Variants in PCID2 observed in about 807,000 individuals in gnomAD.
PCID2 encodes PCI domain-containing protein 2.
PCID2 carries 41 observed loss-of-function variants against 61.3 expected under a neutral mutation model. The ratio of observed to expected loss-of-function variants is 0.67; its 90% confidence interval spans 0.52 to 0.87. The LOEUF is 0.87. Ranked by LOEUF, PCID2 falls within the 40% of genes least tolerant of loss-of-function variation. The pLI is 0.00. For missense variants in PCID2, 392 were observed against 493.4 expected, an observed-to-expected ratio of 0.79 and a Z score of 1.95; for synonymous variants, 187 against 177.8, an observed-to-expected ratio of 1.05 and a Z score of -0.41.
chr13:113,207,479 A>T (rs1369519975), intron 1 of PCID2, among the ~76,000 whole-genome samples: 1 of 152,256 alleles, frequency 6.6e-6, no homozygotes, highest in Non-Finnish European at 1.5e-5. Context: ...AGGCCAAAAC[A>T]GACACAGCCT....
At chr13:113,187,310 G>A (rs527432027) in intron 7 of PCID2, 1 of 152,316 alleles carries the variant, frequency 6.6e-6, no homozygotes, top group East Asian at 1.9e-4. Context: ...ATGTCACTGG[G>A]GATCTGCCCT....
chr13:113,192,657 C>T (rs911668015), intron 6 of PCID2, among the ~76,000 whole-genome samples: 1 of 152,182 alleles, frequency 6.6e-6, no homozygotes, highest in African/African-American at 2.4e-5. Context: ...TTTCCTTACT[C>T]CAAGGCTTTT....
chr13:113,208,063 G>C (rs779282010), intron 1 of PCID2: 60 of 1,612,656 alleles, frequency 3.7e-5, no homozygotes, highest in Non-Finnish European at 4.9e-5. Context: ...TGTACCGAGC[G>C]ATATGAAGTG....
chr13:113,179,220 A>G lies in PCID2; in HGVS notation c.987-131T>C. Reference sequence around the variant, plus strand: ...AATTCCCACCTATTAGATAAACTCTAAACTACACTCTCAGAGCTATTAAAT... The same window carrying G: ...AATTCCCACCTATTAGATAAACTCTGAACTACACTCTCAGAGCTATTAAAT... On this transcript the variant is annotated intron_variant, in intron 12 of 13. Coordinates refer to ENST00000337344, the MANE Select transcript of PCID2 (RefSeq NM_001127202.4). This position sits in a 1 kb window ranked among gnomAD's most constrained non-coding sequence, Gnocchi z 4.3. The G allele has an allele frequency of 1.6e-6, 1 of 615,672 alleles. No individual in the cohort carries two copies. 38.1% of individuals were successfully genotyped at this position (615,672 alleles called of 1,614,324 possible). A position where few individuals can be genotyped will look rare whatever the true frequency, so the allele number is the denominator to read the frequency against.
At chr13:113,189,631 A>G (rs1296761878) in intron 7 of PCID2, among the ~76,000 whole-genome samples, 1 of 152,144 alleles carries the variant, frequency 6.6e-6, no homozygotes, top group East Asian at 1.9e-4. Flanking sequence ...AATCAGACGG[A>G]AAGTTGAGAA....
At chr13:113,174,988 T>C (rs2037165393), downstream of PCID2, among the ~76,000 whole-genome samples, 1 of 152,174 alleles carries the variant, frequency 6.6e-6, no homozygotes, top group African/African-American at 2.4e-5. Flanking sequence ...GGAGAAGTGA[T>C]TGGATCACGG....
chr13:113,183,204 T>A (rs1428060453), intron 9 of PCID2, among the ~76,000 whole-genome samples: 1 of 152,182 alleles, frequency 6.6e-6, no homozygotes, highest in East Asian at 1.9e-4. Context: ...CCTATTTCTT[T>A]TATAGTCAAA....
At chr13:113,186,871 C>T (rs1357475757) in intron 7 of PCID2, 1 of 152,158 alleles carries the variant, frequency 6.6e-6, no homozygotes, top group East Asian at 1.9e-4. Context: ...CACAAAAATA[C>T]AAAAGTGCCC....
chr13:113,200,649 A>C, intron 1 of PCID2, 133 bp from the exon 2 acceptor site: 1 of 613,328 alleles, frequency 1.6e-6, no homozygotes, highest in Non-Finnish European at 2.9e-6. Flanking sequence ...GAACAATCAA[A>C]ATGTAACAGA....
Position 113,208,643 on chromosome 13 carries a change from C to A in PCID2, c.-9G>T, listed in dbSNP as rs773899060. On this transcript the variant is annotated 5_prime_UTR_variant, in exon 1 of 14. Transcript: ENST00000337344. ...ATGGTAATGTGCGCCATGGGAGCGC[C>A]GCCGAACGGAGAGCGCCACCCCCTA... 1.9e-6 allele frequency: 3 copies of A among 1,605,810 alleles called. No individual in the cohort carries two copies. The highest frequency in any genetic ancestry group is 3.4e-4 in the Middle Eastern group (2 of 5,958).
chr13:113,197,019 C>T, intron 4 of PCID2, 159 bp downstream of exon 4: 2 of 1,609,722 alleles, frequency 1.2e-6, no homozygotes, highest in Non-Finnish European at 1.7e-6. Flanking sequence ...ATTTAAGTAC[C>T]CAAGTGAAAG....
intron 1 of PCID2, among the ~76,000 whole-genome samples, chr13:113,203,165 G>A (rs920188475): frequency 6.6e-6 from 1 of 152,242 alleles, no homozygotes; most frequent in Non-Finnish European, 1.5e-5. Context: ...GAGTCCCATG[G>A]GATTTGGGTT....
At chr13:113,193,365 T>C (rs541918369) in intron 6 of PCID2, among the ~76,000 whole-genome samples, 6 of 152,286 alleles carry the variant, frequency 3.9e-5, no homozygotes, top group African/African-American at 1.2e-4. Flanking sequence ...AATATTCCTC[T>C]CTTTTCCATC....
the PCID2 span, among the ~76,000 whole-genome samples, chr13:113,169,334 ACTT>A: frequency 6.6e-6 from 1 of 152,150 alleles, no homozygotes; most frequent in Admixed American, 6.5e-5. Context: ...TTTTGTCTCT[ACTT>A]AACTTTTTGA....
intron 1 of PCID2, among the ~76,000 whole-genome samples, chr13:113,207,367 G>A (rs964454881): frequency 1.3e-5 from 2 of 152,186 alleles, no homozygotes; most frequent in Non-Finnish European, 2.9e-5. Flanking sequence ...AAAAGATTAA[G>A]AAAATTCTAA....
rs543493498 is a variant in PCID2, at chr13:113,181,127, C to T, written c.786+3G>A. ...CTATAAACATGGAGTAATAATCACT[C>T]ACCAATAGCATTTTTACTGGAAGCA... On this transcript the variant is annotated splice_donor_region_variant and intron_variant, in intron 10 of 13. Coordinates refer to ENST00000337344, the MANE Select transcript of PCID2 (RefSeq NM_001127202.4). 6.4e-7 allele frequency: 1 copy of T among 1,571,896 alleles called. No individual in the cohort carries two copies. The highest frequency in any genetic ancestry group is 1.1e-5 in the South Asian group (1 of 90,248).
At chr13:113,201,029 T>C (rs2039391330) in intron 1 of PCID2, among the ~76,000 whole-genome samples, 1 of 152,222 alleles carries the variant, frequency 6.6e-6, no homozygotes, top group African/African-American at 2.4e-5. Flanking sequence ...ATTATTCTAA[T>C]TTTACTCAAT....
Position 113,208,470 on chromosome 13 carries a change from CG to C in PCID2, c.36+128del. 5.2e-6 allele frequency: 8 copies of C among 1,531,482 alleles called. No individual in the cohort carries two copies. The Admixed American group carries it at 9.9e-5, about 19-fold the overall frequency. 94.9% of individuals were successfully genotyped at this position (1,531,482 alleles called of 1,614,324 possible). A position where few individuals can be genotyped will look rare whatever the true frequency, so the allele number is the denominator to read the frequency against. On this transcript the variant is annotated intron_variant, in intron 1 of 13. Transcript: ENST00000337344. ...CTGTTCGGCTCGCGCGGCTGCCCGC[CG>C]GGGACCCGAACGGAAGAAGGGTGGC...
chr13:113,171,949 G>A, the PCID2 span: 1 of 1,613,672 alleles, frequency 6.2e-7, no homozygotes, highest in Non-Finnish European at 8.5e-7. The surrounding 1 kb of genome is among the most constrained non-coding windows in gnomAD (Gnocchi z 5.1). Context: ...TGGCGGCCAT[G>A]CACTGGATGG....
Sources: gnomAD v4.1 joint callset for allele counts (sites outside exome capture counted in the v4.1 genomes callset) on GRCh38, gnomAD v4.1.1 for gene constraint, Gnocchi (gnomAD v3.1) non-coding constraint, MANE v1.5 for transcripts, NCBI Gene and HGNC (gene_info 2026-07-23, HGNC 2026-07-21) for gene names.